ANKRD10: variants seen among roughly 807,000 people sequenced by gnomAD.
ANKRD10 encodes the protein ankyrin repeat domain 10, also known as ankyrin repeat domain-containing protein 10.
ANKRD10 carries 14 observed loss-of-function variants against 27.0 expected under a neutral mutation model. The ratio of observed to expected loss-of-function variants is 0.52; its 90% CI spans 0.34 to 0.81. The LOEUF (loss-of-function observed/expected upper bound fraction) is 0.81, where lower values mean the gene tolerates loss of function less well. Among genes scored for constraint, ANKRD10 ranks in the 40% least tolerant of loss-of-function variants. The pLI is 0.01. For synonymous variants in ANKRD10, 250 were observed against 224.5 expected, an observed-to-expected ratio of 1.11 and a Z score of -1.01; for missense variants, 493 against 544.0, an observed-to-expected ratio of 0.91 and a Z score of 0.93.
chr13:110,879,256 C>G lies in ANKRD10; in HGVS notation c.*381G>C, dbSNP rs1273545552. ...TGGAAGCAAGCTTTTTAAAATGATG[C>G]CCATGTGCAAAGAGATAAATTACCA... On this transcript the variant is annotated 3_prime_UTR_variant, in exon 6 of 6. Coordinates refer to ENST00000267339, the MANE Select transcript of ANKRD10 (RefSeq NM_017664.4). 4.8e-6 allele frequency: 1 copy of G among 207,530 alleles called. No individual in the cohort carries two copies. The highest frequency in any genetic ancestry group is 2.3e-5 in the African/African-American group (1 of 44,196). The allele number at this position is 207,530 out of a possible 1,614,324, so 12.9% of individuals were successfully genotyped here. A position where few individuals can be genotyped will look rare whatever the true frequency, so the allele number is the denominator to read the frequency against.
intron 3 of ANKRD10, among the ~76,000 whole-genome samples, chr13:110,902,751 C>T (rs1422366305): frequency 1.3e-5 from 2 of 152,174 alleles, no homozygotes; most frequent in African/African-American, 4.8e-5. Context: ...CACTGGCATC[C>T]GTATAATGCA....
In ANKRD10 at chr13:110,898,326, GAACA is replaced by G. The variant is rs565213655; in HGVS notation, c.456-5067_456-5064del. ...ATTTGGGTTTCCAAGTCAAAGATTA[GAACA>G]AATAATCATTAAAGATCATAAAAGA... On this transcript the variant is annotated intron_variant, in intron 3 of 5. Transcript: ENST00000267339. 2.6e-5 allele frequency among the ~76,000 whole-genome samples: 4 copies of G among 152,272 alleles called. No homozygotes were observed. In the South Asian group the frequency reaches 6.2e-4, roughly 24 times the overall value.
intron 4 of ANKRD10, among the ~76,000 whole-genome samples, chr13:110,884,406 C>T (rs1328633520): frequency 6.6e-6 from 1 of 152,126 alleles, no homozygotes; most frequent in African/African-American, 2.4e-5. Flanking sequence ...TGTGGAGATG[C>T]GAATGCCCCA....
rs540975006 is a variant in ANKRD10, at chr13:110,885,409, G to A, written c.692-1616C>T. Among the ~76,000 whole-genome samples the A allele has an allele frequency of 1.1e-4, 17 of 152,250 alleles. No homozygotes were observed. The South Asian group carries it at 1.2e-3, about 11-fold the overall frequency. On this transcript the variant is annotated intron_variant, in intron 4 of 5. Transcript: ENST00000267339. ...CTAAAAATACAAACATTAGCCAGGC[G>A]TGGTGGCGAGTGCCTGTAGTCCCAG... is the stretch of plus-strand genomic sequence containing the variant.
intron 4 of ANKRD10, among the ~76,000 whole-genome samples, chr13:110,886,049 G>T (rs1323991902): frequency 6.6e-6 from 1 of 152,248 alleles, no homozygotes; most frequent in Non-Finnish European, 1.5e-5. Context: ...AAAAACAAAT[G>T]ATCAGTAGCT....
chr13:110,894,025 TAGCTAAAA>T (rs2065152237), intron 3 of ANKRD10: 1 of 1,004,524 alleles, frequency 1.0e-6, no homozygotes, highest in South Asian at 1.4e-5. Flanking sequence ...ACCTCTACAG[TAGCTAAAA>T]CTCAGATTCA....
chr13:110,889,098 C>A (rs994938910), intron 4 of ANKRD10, among the ~76,000 whole-genome samples: 1 of 131,942 alleles, frequency 7.6e-6, no homozygotes, highest in Non-Finnish European at 1.8e-5. Flanking sequence ...TAACCAAGAT[C>A]ATTGAAAAAC....
At position 110,914,896 on chromosome 13, in the gene ANKRD10, G is replaced by A; in HGVS notation, c.39C>T (p.Gly13=). 1.9e-6 allele frequency: 3 copies of A among 1,538,778 alleles called. No homozygotes were observed. The highest frequency in any genetic ancestry group is 1.2e-5 in the South Asian group (1 of 83,936). ...GCGAGAGCAGCTCCTCGCTGGAGAA[G>A]CCCGCCTCTACGCCCGCGCCCGCTC... ...AAGAGAGVEA[G]FSSEELLSLR... The change falls in exon 1 of 6, where the codon GGC becomes GGT. Residue 13 remains glycine (G), a synonymous_variant. Transcript: ENST00000267339.
At position 110,893,251 on chromosome 13, in the gene ANKRD10, G is replaced by A. The variant is rs1407010279; in HGVS notation, c.468C>T (p.Ala156=). The stretch of plus-strand genomic sequence containing the variant: ...CAATGTCTGCTGCTGTCAGGCCACT[G>A]GCATTTCTCAGGCTGTACAACACAA... The part of the protein sequence containing the change: ...ANGAHVDLRN[A]SGLTAADIAQ... Residue 156 remains alanine (A), a synonymous_variant, in exon 4 of 6, where the codon GCC becomes GCT. Transcript: ENST00000267339. 6.2e-7 allele frequency: 1 copy of A among 1,614,064 alleles called. No individual in the cohort carries two copies. Among genetic ancestry groups the A allele is most frequent in the Non-Finnish European group, 8.5e-7 (1 of 1,179,976 alleles).
At chr13:110,899,837 A>G (rs1044522944) in intron 3 of ANKRD10, among the ~76,000 whole-genome samples, 1 of 152,200 alleles carries the variant, frequency 6.6e-6, no homozygotes, top group Non-Finnish European at 1.5e-5. Context: ...GCAAAAAAAA[A>G]AAATCAAACT....
Position 110,880,243 on chromosome 13 carries a change from T to C in ANKRD10, c.788-131A>G, listed in dbSNP as rs1025939991. ...TTTTTCCTTTTAAACCAGTTCTTTT[T>C]TCAAAGTAAAATCAATGTGCATAAG... On this transcript the variant is annotated intron_variant, in intron 5 of 5. Transcript: ENST00000267339. 8.8e-6 allele frequency: 7 copies of C among 793,156 alleles called. No individual in the cohort carries two copies. In the African/African-American group the frequency reaches 1.2e-4, roughly 14 times the overall value. 49.1% of individuals were successfully genotyped at this position (793,156 alleles called of 1,614,324 possible).
At chr13:110,882,889 A>G (rs2064845919) in intron 5 of ANKRD10, among the ~76,000 whole-genome samples, 1 of 152,240 alleles carries the variant, frequency 6.6e-6, no homozygotes, top group South Asian at 2.1e-4. Flanking sequence ...CTTAAAAAAA[A>G]TCTACTTCTA....
chr13:110,910,150 A>C (rs1216348001), intron 2 of ANKRD10, among the ~76,000 whole-genome samples: 1 of 152,226 alleles, frequency 6.6e-6, no homozygotes, highest in Non-Finnish European at 1.5e-5. Context: ...CCAAGTCCTC[A>C]AGTCACTTAC....
At chr13:110,913,951 T>C (rs1457545821) in intron 1 of ANKRD10, among the ~76,000 whole-genome samples, 2 of 152,146 alleles carry the variant, frequency 1.3e-5, no homozygotes, top group African/African-American at 4.8e-5. Flanking sequence ...CCCAGAATTT[T>C]CAGTTTAAGA....
intron 3 of ANKRD10, chr13:110,899,121 T>C (rs1448298393): frequency 6.6e-6 from 1 of 152,226 alleles, no homozygotes; most frequent in Non-Finnish European, 1.5e-5. Context: ...GTGTATTACA[T>C]GACCATAGGC....
intron 5 of ANKRD10, among the ~76,000 whole-genome samples, chr13:110,881,876 A>G (rs553957911): frequency 6.6e-6 from 1 of 152,328 alleles, no homozygotes; most frequent in Admixed American, 6.5e-5. Context: ...AAAACTAAGC[A>G]TAACAACAGT....
At chr13:110,887,993 AT>A (rs1294794601) in intron 4 of ANKRD10, among the ~76,000 whole-genome samples, 2 of 152,188 alleles carry the variant, frequency 1.3e-5, no homozygotes. Context: ...TGTAGAGCAC[AT>A]TTTACTCAAC....
chr13:110,908,422 T>C (rs2065599723), intron 2 of ANKRD10, among the ~76,000 whole-genome samples: 1 of 152,176 alleles, frequency 6.6e-6, no homozygotes, highest in Admixed American at 6.5e-5. Context: ...ATACGAGCTT[T>C]GGTAATCTCA....
intron 4 of ANKRD10, 139 bp downstream of exon 4, chr13:110,892,886 TCCA>T (rs1418913705): frequency 3.2e-5 from 46 of 1,443,106 alleles, no homozygotes; most frequent in African/African-American, 3.1e-4. Context: ...AGGAGAAATC[TCCA>T]CCGTCACCGC....
Sources: allele counts gnomAD v4.1 joint callset (sites outside exome capture counted in the v4.1 genomes callset), GRCh38; gene constraint gnomAD v4.1.1; transcripts MANE v1.5; gene names NCBI Gene and HGNC (gene_info 2026-07-23, HGNC 2026-07-21).